The following SLCO1A2 variants were observed in gnomAD, a reference collection of about 807,000 sequenced individuals.
SLCO1A2 encodes the protein solute carrier organic anion transporter family member 1A2.
SLCO1A2 carries 67 observed loss-of-function variants against 69.0 expected under a neutral mutation model. The observed-to-expected ratio is 0.97, with a 90% CI of 0.80 to 1.19. The LOEUF (loss-of-function observed/expected upper bound fraction) is 1.19, where lower values mean the gene tolerates loss of function less well. Ranked by LOEUF, SLCO1A2 falls within the 50% of genes most tolerant of loss-of-function variation. The probability of loss-of-function intolerance (pLI) is 0.00; values close to 1 mark genes in which losing one functional copy is unlikely to be tolerated. For missense variants in SLCO1A2, 787 were observed against 793.7 expected, an observed-to-expected ratio of 0.99 and a Z score of 0.10; for synonymous variants, 260 against 265.9, an observed-to-expected ratio of 0.98 and a Z score of 0.22.
intron 2 of SLCO1A2, among the ~76,000 whole-genome samples, chr12:21,358,275 C>T (rs968925171): frequency 2.0e-5 from 3 of 152,156 alleles, no homozygotes; most frequent in African/African-American, 7.2e-5. Flanking sequence ...TGCTAATTTG[C>T]AGCTTTTTAC....
rs115492360 is a variant in SLCO1A2, at chr12:21,297,821, G to T, written c.911-253C>A. On this transcript the variant is annotated intron_variant, in intron 8 of 14. Transcript: ENST00000683939. ...TTTGCCCTCAATAAGTCACTGTTGA[G>T]TCTTAAAGATCAGTAAGCAAAACTA... Among the ~76,000 whole-genome samples the T allele has an allele frequency of 3.9e-3, 591 of 152,248 alleles. 7 individuals carry two copies. Among genetic ancestry groups the T allele is most frequent in the African/African-American group, 0.014 (568 of 41,540 alleles).
At chr12:21,318,121 A>C (rs1328939378) in intron 3 of SLCO1A2, among the ~76,000 whole-genome samples, 1 of 144,450 alleles carries the variant, frequency 6.9e-6, no homozygotes, top group Admixed American at 7.0e-5. Context: ...TAGGTCTTCT[A>C]CCTTTTCTTT....
chr12:21,295,562 T>C (rs1355533478), intron 10 of SLCO1A2, 35 bp downstream of exon 10: 1 of 1,313,850 alleles, frequency 7.6e-7, no homozygotes, highest in Non-Finnish European at 1.1e-6. Flanking sequence ...AACCATTTGT[T>C]GAAAGATTCT....
At chr12:21,354,151 C>T (rs1414590466) in intron 2 of SLCO1A2, among the ~76,000 whole-genome samples, 3 of 152,170 alleles carry the variant, frequency 2.0e-5, no homozygotes, top group South Asian at 2.1e-4. Flanking sequence ...CCAAAGTCCA[C>T]GTCCCTCCTC....
intron 6 of SLCO1A2, among the ~76,000 whole-genome samples, chr12:21,301,780 C>G (rs1158360228): frequency 6.6e-6 from 1 of 152,070 alleles, no homozygotes; most frequent in Non-Finnish European, 1.5e-5. Context: ...GTTCTCCTTC[C>G]TTTACTTCCA....
intron 2 of SLCO1A2, among the ~76,000 whole-genome samples, chr12:21,348,906 A>C (rs1937709401): frequency 6.6e-6 from 1 of 152,152 alleles, no homozygotes; most frequent in Non-Finnish European, 1.5e-5. Context: ...AACTTATGTA[A>C]ACTACGGCCT....
intron 12 of SLCO1A2, among the ~76,000 whole-genome samples, chr12:21,280,962 G>A (rs1186556501): frequency 3.3e-5 from 5 of 152,032 alleles, no homozygotes; most frequent in Non-Finnish European, 5.9e-5. Flanking sequence ...ATACAAACAC[G>A]TGGAAATTGA....
intron 14 of SLCO1A2, chr12:21,274,014 A>C (rs539471141): frequency 6.6e-6 from 1 of 152,532 alleles, no homozygotes; most frequent in East Asian, 1.9e-4. Context: ...AGACATGAAG[A>C]AGATTGTTTC....
chr12:21,325,281 G>C (rs1456210386), intron 2 of SLCO1A2, among the ~76,000 whole-genome samples: 1 of 152,076 alleles, frequency 6.6e-6, no homozygotes, highest in Non-Finnish European at 1.5e-5. Flanking sequence ...CCCCCAATCA[G>C]ATACAATACC....
At chr12:21,382,564 G>A (rs1339772560) in intron 1 of SLCO1A2, among the ~76,000 whole-genome samples, 3 of 152,090 alleles carry the variant, frequency 2.0e-5, no homozygotes, top group East Asian at 1.9e-4. Context: ...TTGGGAGGCC[G>A]AGGTGGGCGG....
intron 1 of SLCO1A2, among the ~76,000 whole-genome samples, chr12:21,416,510 C>T (rs1358584514): frequency 6.6e-6 from 1 of 151,920 alleles, no homozygotes; most frequent in Non-Finnish European, 1.5e-5. Context: ...TGTAATTCCC[C>T]AAACTTGAGA....
intron 1 of SLCO1A2, among the ~76,000 whole-genome samples, chr12:21,414,482 G>A (rs1941960215): frequency 6.6e-6 from 1 of 151,324 alleles, no homozygotes; most frequent in African/African-American, 2.4e-5. Flanking sequence ...TTTATGTTTT[G>A]CCATTAACCA....
At chr12:21,312,285 G>A (rs1950320983) in intron 4 of SLCO1A2, among the ~76,000 whole-genome samples, 1 of 152,110 alleles carries the variant, frequency 6.6e-6, no homozygotes, top group Admixed American at 6.5e-5. Context: ...CACCTCTCTT[G>A]GCTTAAAAAT....
At chr12:21,346,119 A>G (rs143406350) in intron 2 of SLCO1A2, among the ~76,000 whole-genome samples, 2 of 152,088 alleles carry the variant, frequency 1.3e-5, no homozygotes, top group East Asian at 3.9e-4. Flanking sequence ...TTCATGCTGA[A>G]TATGTTCTTC....
intron 1 of SLCO1A2, among the ~76,000 whole-genome samples, chr12:21,401,050 A>T (rs1303916911): frequency 2.0e-5 from 3 of 152,002 alleles, no homozygotes; most frequent in Non-Finnish European, 4.4e-5. Context: ...GACAAAAAAA[A>T]AATCAGGAAC....
intron 2 of SLCO1A2, among the ~76,000 whole-genome samples, chr12:21,320,253 T>G (rs1207396747): frequency 6.6e-6 from 1 of 152,132 alleles, no homozygotes; most frequent in Admixed American, 6.6e-5. Flanking sequence ...CCTTTTCTGT[T>G]TCTCAGTCTC....
chr12:21,360,833 TG>T (rs1022601000), intron 2 of SLCO1A2, among the ~76,000 whole-genome samples: 1 of 152,026 alleles, frequency 6.6e-6, no homozygotes, highest in Non-Finnish European at 1.5e-5. Context: ...GCAGCAAGGC[TG>T]GGGGAGGGGC....
At chr12:21,321,977 C>T (rs1423211132) in intron 2 of SLCO1A2, among the ~76,000 whole-genome samples, 1 of 152,168 alleles carries the variant, frequency 6.6e-6, no homozygotes, top group East Asian at 1.9e-4. Context: ...ACCCCTGTGG[C>T]CCTGGTGCCT....
chr12:21,355,640 A>C lies in SLCO1A2; in HGVS notation c.-63+18759T>G, dbSNP rs193267690. ...ATTCTGTATAGTGGCAATGCAACCA[A>C]ATCTTTTCTCAGGGAATATTTCCAA... is the stretch of plus-strand genomic sequence containing the variant. On this transcript the variant is annotated intron_variant, in intron 2 of 15. Transcript: ENST00000307378. Among the ~76,000 whole-genome samples, 532 of 152,276 alleles carry C rather than the reference A, an allele frequency of 3.5e-3. 1 individual carries two copies. Among genetic ancestry groups the C allele is most frequent in the Non-Finnish European group, 3.9e-3 (264 of 68,014 alleles).
Sources: allele counts gnomAD v4.1 joint callset (sites outside exome capture counted in the v4.1 genomes callset), GRCh38; gene constraint gnomAD v4.1.1; transcripts MANE v1.5; gene names NCBI Gene and HGNC (gene_info 2026-07-23, HGNC 2026-07-21).